The following PHIP variants were observed in gnomAD, a reference collection of about 807,000 sequenced individuals.
The protein encoded by PHIP is PHIP subunit of CUL4-Ring ligase complex.
Under a neutral mutation model 236.8 loss-of-function variants are expected in PHIP, and 54 were observed. That is an observed-to-expected ratio of 0.23 (90% CI 0.18 to 0.29). PHIP has a LOEUF of 0.29. PHIP is among the 10% of genes least tolerant of loss of function. The probability of loss-of-function intolerance (pLI) is 1.00; values close to 1 mark genes in which losing one functional copy is unlikely to be tolerated. For synonymous variants in PHIP, 756 were observed against 718.9 expected (o/e 1.05, Z -0.83); for missense variants, 1,370 against 2,190.8 (o/e 0.63, Z 7.48).
intron 7 of PHIP, among the ~76,000 whole-genome samples, chr6:79,040,179 T>C (rs141000083): frequency 1.3e-5 from 2 of 152,220 alleles, no homozygotes; most frequent in East Asian, 3.9e-4. Context: ...CCTATGTGGT[T>C]GGTACTATTA....
intron 7 of PHIP, among the ~76,000 whole-genome samples, chr6:79,035,328 T>C (rs538629505): frequency 4.6e-5 from 7 of 152,144 alleles, no homozygotes; most frequent in South Asian, 2.1e-4. Flanking sequence ...TGTCATAGTA[T>C]TGGCTTCTAG....
intron 7 of PHIP, among the ~76,000 whole-genome samples, chr6:79,039,556 C>T (rs2127758105): frequency 6.6e-6 from 1 of 152,208 alleles, no homozygotes; most frequent in East Asian, 1.9e-4. Flanking sequence ...AGAACAAATA[C>T]TACTTTCAAT....
chr6:78,956,320 A>G (rs1766412913), intron 32 of PHIP: 2 of 151,836 alleles, frequency 1.3e-5, no homozygotes, highest in Non-Finnish European at 2.9e-5. Context: ...AGGGCTGTGA[A>G]CTCTATCCTC....
At chr6:79,008,644 T>C (rs574810822) in intron 15 of PHIP, among the ~76,000 whole-genome samples, 85 of 152,236 alleles carry the variant, frequency 5.6e-4, no homozygotes, top group Non-Finnish European at 9.6e-4. Context: ...CAAAGTTTAC[T>C]TCTAAGCCTT....
intron 21 of PHIP, among the ~76,000 whole-genome samples, chr6:78,987,756 A>G (rs1409537270): frequency 6.6e-6 from 1 of 152,214 alleles, no homozygotes; most frequent in Non-Finnish European, 1.5e-5. Context: ...AGGAATATTT[A>G]AAAATTACAC....
Position 78,938,991 on chromosome 6 carries a change from C to A in PHIP, c.*1702G>T, listed in dbSNP as rs1478966616. On this transcript the variant is annotated 3_prime_UTR_variant, in exon 40 of 40. Transcript: ENST00000275034. ...GGGTCATGCTGATACATATTTTCCC[C>A]ATCCTCACTTTTTAAAAATGTAGTA... is the stretch of plus-strand genomic sequence containing the variant. 1 of 151,606 alleles carries A rather than the reference C, an allele frequency of 6.6e-6. No individual in the cohort carries two copies. The highest frequency in any genetic ancestry group is 1.5e-5 in the Non-Finnish European group (1 of 67,624). 9.4% of individuals were successfully genotyped at this position (151,606 alleles called of 1,614,324 possible).
chr6:78,971,344 T>C (rs1582135005), intron 24 of PHIP, among the ~76,000 whole-genome samples: 1 of 152,360 alleles, frequency 6.6e-6, no homozygotes, highest in East Asian at 1.9e-4. Context: ...CCACATTTCA[T>C]GAAGATCAAA....
At chr6:78,948,499 AC>A (rs1187050540) in intron 35 of PHIP, among the ~76,000 whole-genome samples, 3 of 151,822 alleles carry the variant, frequency 2.0e-5, no homozygotes, top group Admixed American at 2.0e-4. Context: ...AGAGTATTGT[AC>A]CCCCCCTTTT....
chr6:79,033,079 C>A (rs770393094), intron 7 of PHIP, among the ~76,000 whole-genome samples: 1 of 151,368 alleles, frequency 6.6e-6, no homozygotes, highest in East Asian at 1.9e-4. Context: ...TTTTTCTGAG[C>A]AGTAGGTATC....
At chr6:78,985,258 TAC>T (rs1768791104) in intron 22 of PHIP, 92 bp downstream of exon 22, 2 of 731,670 alleles carry the variant, frequency 2.7e-6, no homozygotes, top group Admixed American at 2.3e-5. Context: ...ACTTTGAACT[TAC>T]AGAGACTTTG....
intron 7 of PHIP, among the ~76,000 whole-genome samples, chr6:79,026,623 A>G (rs1771413060): frequency 1.3e-5 from 2 of 152,128 alleles, no homozygotes; most frequent in Admixed American, 1.3e-4. Context: ...TCAGCTAAAA[A>G]CATGACATTA....
intron 7 of PHIP, among the ~76,000 whole-genome samples, chr6:79,034,183 C>T (rs1771813456): frequency 6.6e-6 from 1 of 152,088 alleles, no homozygotes; most frequent in Non-Finnish European, 1.5e-5. Flanking sequence ...GACAGACTTG[C>T]TTTACTCAGG....
At chr6:79,050,061 G>C (rs1226401173) in intron 6 of PHIP, among the ~76,000 whole-genome samples, 1 of 151,778 alleles carries the variant, frequency 6.6e-6, no homozygotes, top group Non-Finnish European at 1.5e-5. Flanking sequence ...TATAAAGGAA[G>C]AGGAAAGCAA....
chr6:79,056,073 GT>G (rs1370073922), intron 6 of PHIP, among the ~76,000 whole-genome samples: 1 of 152,156 alleles, frequency 6.6e-6, no homozygotes, highest in Non-Finnish European at 1.5e-5. Flanking sequence ...ATGCTGAAGA[GT>G]TGGGTCTCTA....
At chr6:79,077,981 C>T (rs757604016) in intron 1 of PHIP, 48 bp downstream of exon 1, 27 of 1,600,362 alleles carry the variant, frequency 1.7e-5, no homozygotes, top group Middle Eastern at 2.2e-4. Flanking sequence ...CGGGGGACCG[C>T]GGGCGGAATC....
At chr6:79,039,699 G>A (rs1054606248) in intron 7 of PHIP, among the ~76,000 whole-genome samples, 3 of 151,920 alleles carry the variant, frequency 2.0e-5, no homozygotes, top group African/African-American at 7.3e-5. Context: ...TTCTGAAAAG[G>A]GGGGAAAACT....
chr6:79,045,444 A>G (rs1000590447), intron 6 of PHIP, among the ~76,000 whole-genome samples: 1 of 152,262 alleles, frequency 6.6e-6, no homozygotes, highest in East Asian at 1.9e-4. Context: ...GAAAATGTCT[A>G]TCTCTCCTAT....
At chr6:79,064,786 A>G (rs1046485916) in intron 4 of PHIP, among the ~76,000 whole-genome samples, 2 of 152,150 alleles carry the variant, frequency 1.3e-5, no homozygotes, top group African/African-American at 4.8e-5. Flanking sequence ...TCTTCTCACT[A>G]TATACTCTCT....
intron 17 of PHIP, among the ~76,000 whole-genome samples, chr6:78,999,222 T>C (rs1470976969): frequency 6.6e-6 from 1 of 152,200 alleles, no homozygotes; most frequent in Admixed American, 6.5e-5. Context: ...GAGGACCACT[T>C]GACTTCTGCC....
Sources: gnomAD v4.1 joint callset for allele counts (sites outside exome capture counted in the v4.1 genomes callset) on GRCh38, gnomAD v4.1.1 for gene constraint, MANE v1.5 for transcripts, NCBI Gene and HGNC (gene_info 2026-07-23, HGNC 2026-07-21) for gene names.